The following OR2AJ1 variants were observed in gnomAD, a reference collection of about 807,000 sequenced individuals.
The protein encoded by OR2AJ1 is olfactory receptor 2AJ1.
For missense variants in OR2AJ1, 280 were observed against 163.2 expected (o/e 1.72, Z -3.90); for synonymous variants, 105 against 60.3 (o/e 1.74, Z -3.44).
At position 247,934,832 on chromosome 1, in the gene OR2AJ1, AT is replaced by A; in HGVS notation, c.*80del. ...ATCTTACCACATATAAGAAGTGAAT[AT>A]TTCAGAAACATTGTTAATAATAAAC... is the stretch of plus-strand genomic sequence containing the variant. On this transcript the variant is annotated 3_prime_UTR_variant, in exon 2 of 2. Transcript: ENST00000318244. 1 of 605,354 alleles carries A rather than the reference AT, an allele frequency of 1.7e-6. No homozygotes were observed. The highest frequency in any genetic ancestry group is 2.7e-5 in the East Asian group (1 of 36,384). The allele number at this position is 605,354 out of a possible 1,614,324, so 37.5% of individuals were successfully genotyped here. A position where few individuals can be genotyped will look rare whatever the true frequency, so the allele number is the denominator to read the frequency against.
At chr1:247,932,244 G>C (rs1660162253) in intron 1 of OR2AJ1, among the ~76,000 whole-genome samples, 1 of 152,174 alleles carries the variant, frequency 6.6e-6, no homozygotes, top group African/African-American at 2.4e-5. Flanking sequence ...GCTGAGGCTC[G>C]AGAATTGCTT....
At chr1:247,933,527 G>C (rs1660176053) in intron 1 of OR2AJ1, among the ~76,000 whole-genome samples, 1 of 152,092 alleles carries the variant, frequency 6.6e-6, no homozygotes, top group Non-Finnish European at 1.5e-5. Context: ...TCAAGATGGA[G>C]CCAAGGGCCC....
intron 1 of OR2AJ1, among the ~76,000 whole-genome samples, 188 bp from the exon 2 acceptor site, chr1:247,933,559 C>T (rs146347773): frequency 5.3e-4 from 81 of 152,168 alleles, no homozygotes; most frequent in Non-Finnish European, 9.7e-4. Context: ...TGAATATCAT[C>T]GATTATTTGA....
intron 1 of OR2AJ1, among the ~76,000 whole-genome samples, chr1:247,928,195 T>C (rs1185930246): frequency 6.6e-6 from 1 of 152,224 alleles, no homozygotes; most frequent in Non-Finnish European, 1.5e-5. Context: ...TCTTTTTTGA[T>C]AATGACCACT....
Position 247,933,930 on chromosome 1 carries a change from A to G in OR2AJ1, c.162A>G (p.Arg54=), listed in dbSNP as rs1660182780. The change falls in exon 2 of 2, where the codon CGA becomes CGG. Residue 54 remains arginine (R), a synonymous_variant. Transcript: ENST00000318244. Reference sequence around the variant, plus strand: ...TCCTCCTCATTCGCAGTGACTCCCGACTCCACACTCCAATGTATTTTCTGC... The same window carrying G: ...TCCTCCTCATTCGCAGTGACTCCCGGCTCCACACTCCAATGTATTTTCTGC... The part of the protein sequence containing the change: ...LMILLIRSDS[R]LHTPMYFLLS... 1.4e-6 allele frequency: 1 copy of G among 717,284 alleles called. No individual in the cohort carries two copies. The highest frequency in any genetic ancestry group is 1.7e-5 in the African/African-American group (1 of 57,268). 44.4% of individuals were successfully genotyped at this position (717,284 alleles called of 1,614,324 possible).
Position 247,934,814 on chromosome 1 carries a change from C to T in OR2AJ1, c.*59C>T, listed in dbSNP as rs1380604509. The T allele has an allele frequency of 4.8e-6, 3 of 619,814 alleles. No homozygotes were observed. The highest frequency in any genetic ancestry group is 1.8e-5 in the African/African-American group (1 of 54,208). The allele number at this position is 619,814 out of a possible 1,614,324, so 38.4% of individuals were successfully genotyped here. A position where few individuals can be genotyped will look rare whatever the true frequency, so the allele number is the denominator to read the frequency against. On this transcript the variant is annotated 3_prime_UTR_variant, in exon 2 of 2. Coordinates refer to ENST00000318244, the MANE Select transcript of OR2AJ1 (RefSeq NM_001355235.2). ...AAAGAAATCAAAGCTTCTATCTTAC[C>T]ACATATAAGAAGTGAATATTTCAGA...
At chr1:247,928,240 T>A (rs1660113586) in intron 1 of OR2AJ1, among the ~76,000 whole-genome samples, 1 of 152,208 alleles carries the variant, frequency 6.6e-6, no homozygotes, top group Non-Finnish European at 1.5e-5. Context: ...ATTTTGGTTT[T>A]GATTTATATT....
intron 1 of OR2AJ1, among the ~76,000 whole-genome samples, chr1:247,931,012 C>T (rs184624098): frequency 2.8e-4 from 43 of 152,272 alleles, no homozygotes; most frequent in African/African-American, 9.4e-4. Context: ...TGCCTGACTG[C>T]TTCTTCCAAA....
At chr1:247,930,013 G>A (rs1431329791) in intron 1 of OR2AJ1, among the ~76,000 whole-genome samples, 2 of 152,116 alleles carry the variant, frequency 1.3e-5, no homozygotes, top group Non-Finnish European at 1.5e-5. Flanking sequence ...TTTAGTATTT[G>A]AGTTTTGCCT....
At chr1:247,925,960 T>C (rs1660087178) in intron 1 of OR2AJ1, among the ~76,000 whole-genome samples, 1 of 152,250 alleles carries the variant, frequency 6.6e-6, no homozygotes, top group Admixed American at 6.5e-5. Context: ...ATATTTCTTC[T>C]GTAAATTCTG....
chr1:247,927,697 C>A (rs2153348), intron 1 of OR2AJ1, among the ~76,000 whole-genome samples: 2 of 151,844 alleles, frequency 1.3e-5, no homozygotes, highest in Non-Finnish European at 2.9e-5. Flanking sequence ...TTCCCAGCCT[C>A]GAGTAAATAC....
chr1:247,930,085 G>T (rs1366293179), intron 1 of OR2AJ1, among the ~76,000 whole-genome samples: 1 of 152,112 alleles, frequency 6.6e-6, no homozygotes, highest in Non-Finnish European at 1.5e-5. Flanking sequence ...AAAATAGTCA[G>T]TCACTAACTC....
At chr1:247,929,884 A>G (rs1660133904) in intron 1 of OR2AJ1, among the ~76,000 whole-genome samples, 1 of 152,158 alleles carries the variant, frequency 6.6e-6, no homozygotes, top group Non-Finnish European at 1.5e-5. Context: ...TTTTCTTAAT[A>G]AAATGTTTGA....
chr1:247,929,868 T>A (rs1190035740), intron 1 of OR2AJ1, among the ~76,000 whole-genome samples: 1 of 152,218 alleles, frequency 6.6e-6, no homozygotes, highest in Admixed American at 6.5e-5. Context: ...ATTGATGATA[T>A]TGTTATTTTC....
intron 1 of OR2AJ1, among the ~76,000 whole-genome samples, chr1:247,927,257 T>C (rs1211563400): frequency 1.3e-5 from 2 of 152,292 alleles, no homozygotes; most frequent in Admixed American, 1.3e-4. Flanking sequence ...TGCACTATAA[T>C]AAGAAAATCG....
intron 1 of OR2AJ1, among the ~76,000 whole-genome samples, chr1:247,930,372 G>A (rs1010027958): frequency 6.6e-5 from 10 of 152,146 alleles, no homozygotes; most frequent in Admixed American, 2.0e-4. Context: ...GTTGAACTAA[G>A]TCTAAATTAA....
intron 1 of OR2AJ1, among the ~76,000 whole-genome samples, chr1:247,927,190 C>T (rs574022322): frequency 6.6e-6 from 1 of 152,238 alleles, no homozygotes; most frequent in African/African-American, 2.4e-5. Flanking sequence ...CTGCTAACTC[C>T]CACACAAAAG....
chr1:247,934,415 C>A lies in OR2AJ1; in HGVS notation c.647C>A (p.Ala216Asp), dbSNP rs1660193805. The part of the protein sequence containing the change: ...FLLIPFSLIS[A>D]SYGQIILTVL... ...CTGATCCCTTTCTCCTTGATCTCTG[C>A]TTCTTATGGCCAAATTATTCTTACT... Residue 216 changes from alanine (A) to aspartate (D), a missense_variant, in exon 2 of 2, where the codon GCT (alanine) becomes GAT (aspartate). Coordinates refer to ENST00000318244, the MANE Select transcript of OR2AJ1 (RefSeq NM_001355235.2). 1 of 717,578 alleles carries A rather than the reference C, an allele frequency of 1.4e-6. No homozygotes were observed. Among genetic ancestry groups the A allele is most frequent in the Non-Finnish European group, 2.6e-6 (1 of 385,180 alleles). 44.5% of individuals were successfully genotyped at this position (717,578 alleles called of 1,614,324 possible). A position where few individuals can be genotyped will look rare whatever the true frequency, so the allele number is the denominator to read the frequency against.
At position 247,933,746 on chromosome 1, in the gene OR2AJ1, G is replaced by C. The variant is rs1660178888; in HGVS notation, c.-22-1G>C. The C allele has an allele frequency of 1.8e-6, 1 of 561,204 alleles. No homozygotes were observed. The highest frequency in any genetic ancestry group is 3.5e-5 in the Admixed American group (1 of 28,726). The allele number at this position is 561,204 out of a possible 1,614,324, so 34.8% of individuals were successfully genotyped here. On this transcript the variant is annotated splice_acceptor_variant, in intron 1 of 1. Transcript: ENST00000318244. LOFTEE classifies it low-confidence loss of function (5UTR_SPLICE). ...ATTATTAATTCATTATTTCTTTTTA[G>C]GTTAAAAAATAGAGAATTCATGATG...
Sources: gnomAD v4.1 joint callset for allele counts (sites outside exome capture counted in the v4.1 genomes callset) on GRCh38, gnomAD v4.1.1 for gene constraint, MANE v1.5 for transcripts, NCBI Gene and HGNC (gene_info 2026-07-23, HGNC 2026-07-21) for gene names.